Variants in ELOVL4 observed in about 807,000 individuals in gnomAD.
ELOVL4 encodes ELOVL fatty acid elongase 4.
A neutral mutation model predicts 42.1 loss-of-function variants in ELOVL4; 18 were observed. The ratio of observed to expected loss-of-function variants is 0.43; its 90% CI spans 0.30 to 0.63. ELOVL4 has a LOEUF of 0.63. Among genes scored for constraint, ELOVL4 ranks in the 30% least tolerant of loss-of-function variants. The pLI, the probability that ELOVL4 is intolerant of heterozygous loss-of-function variation, is 0.15. For synonymous variants in ELOVL4, 117 were observed against 127.0 expected, an observed-to-expected ratio of 0.92 and a Z score of 0.53; for missense variants, 299 against 376.2, an observed-to-expected ratio of 0.79 and a Z score of 1.70.
chr6:79,946,219 C>A (rs1255094417), intron 1 of ELOVL4, among the ~76,000 whole-genome samples: 1 of 152,134 alleles, frequency 6.6e-6, no homozygotes, highest in Non-Finnish European at 1.5e-5. Flanking sequence ...TTTCTGAAAT[C>A]CTTTAAACCT....
intron 2 of ELOVL4, among the ~76,000 whole-genome samples, chr6:79,925,946 A>G (rs1183008739): frequency 6.6e-6 from 1 of 152,214 alleles, no homozygotes; most frequent in Non-Finnish European, 1.5e-5. Context: ...ATAACTTTCA[A>G]TGCCAGAACA....
At chr6:79,924,437 T>TA (rs1408054531) in intron 3 of ELOVL4, among the ~76,000 whole-genome samples, 11 of 152,132 alleles carry the variant, frequency 7.2e-5, no homozygotes, top group African/African-American at 2.2e-4. Context: ...TGCTGCAAAA[T>TA]AAAAAACATT....
In ELOVL4 at chr6:79,939,508, T is replaced by TTTAA. The variant is rs1774607140; in HGVS notation, c.100+7671_100+7672insTTAA. ...TGTTTCTATTAATTTGACTACTTTA[T>TTTAA]TTATTTATTTATTTATTTATTTATT... On this transcript the variant is annotated intron_variant, in intron 1 of 5. Transcript: ENST00000369816. Among the ~76,000 whole-genome samples the TTTAA allele has an allele frequency of 6.0e-5, 8 of 134,272 alleles. No individual in the cohort carries two copies. In the South Asian group the frequency reaches 1.9e-3, roughly 31 times the overall value. 88.1% of individuals were successfully genotyped at this position (134,272 alleles called of 152,430 possible).
intron 1 of ELOVL4, among the ~76,000 whole-genome samples, chr6:79,939,528 T>C (rs1429761575): frequency 1.3e-5 from 2 of 151,514 alleles, no homozygotes; most frequent in Non-Finnish European, 2.9e-5. Context: ...TATTTATTTA[T>C]TTATTTATTT....
At position 79,947,313 on chromosome 6, in the gene ELOVL4, A is replaced by G. The variant is rs779566495; in HGVS notation, c.-34T>C. The stretch of plus-strand genomic sequence containing the variant: ...TGAGCGGGCGCTGGCGGCAGGAGAA[A>G]GCGGAGACCCAGAGAGAGGGCTGAC... On this transcript the variant is annotated 5_prime_UTR_variant, in exon 1 of 6. Coordinates refer to ENST00000369816, the MANE Select transcript of ELOVL4 (RefSeq NM_022726.4). 1 of 1,553,394 alleles carries G rather than the reference A, an allele frequency of 6.4e-7. No homozygotes were observed. Among genetic ancestry groups the G allele is most frequent in the African/African-American group, 1.4e-5 (1 of 73,724 alleles).
At chr6:79,925,974 T>C (rs1378548421) in intron 2 of ELOVL4, among the ~76,000 whole-genome samples, 1 of 152,176 alleles carries the variant, frequency 6.6e-6, no homozygotes, top group East Asian at 1.9e-4. Flanking sequence ...AGGGTTACTT[T>C]AGAATCCAGT....
intron 1 of ELOVL4, among the ~76,000 whole-genome samples, chr6:79,942,485 G>C (rs1774664827): frequency 6.6e-6 from 1 of 152,148 alleles, no homozygotes; most frequent in African/African-American, 2.4e-5. Flanking sequence ...CTTAACAAAT[G>C]AAAATACTTA....
intron 2 of ELOVL4, among the ~76,000 whole-genome samples, chr6:79,925,248 A>G (rs148447769): frequency 2.0e-4 from 31 of 152,184 alleles, no homozygotes; most frequent in African/African-American, 6.0e-4. Flanking sequence ...TCACATGTAA[A>G]TTTTATACTG....
intron 3 of ELOVL4, among the ~76,000 whole-genome samples, chr6:79,923,936 C>T (rs889227275): frequency 1.3e-5 from 2 of 152,046 alleles, no homozygotes. Flanking sequence ...GTCCACTCCC[C>T]ATGCCAGGAA....
chr6:79,919,422 G>T lies in ELOVL4; in HGVS notation c.667C>A (p.Leu223Met). 6.2e-7 allele frequency: 1 copy of T among 1,613,702 alleles called. No homozygotes were observed. The highest frequency in any genetic ancestry group is 8.5e-7 in the Non-Finnish European group (1 of 1,179,768). Residue 223 changes from leucine to methionine, a missense_variant and splice_region_variant, in exon 5 of 6, where the codon CTG (leucine) becomes ATG (methionine). Leu to Met is a conservative substitution (Grantham distance 15). Coordinates refer to ENST00000369816, the MANE Select transcript of ELOVL4 (RefSeq NM_022726.4). ...AACTTTGGAAGCATTTAACTCACCAGTTGCAACATAGTCAGGTATCGTTTC... is the reference window on the plus strand; with the variant it reads ...AACTTTGGAAGCATTTAACTCACCATTTGCAACATAGTCAGGTATCGTTTC... The part of the protein sequence containing the change: ...WWKRYLTMLQ[L>M]IQFHVTIGHT...
chr6:79,936,572 G>A (rs1202031686), intron 1 of ELOVL4, among the ~76,000 whole-genome samples: 2 of 152,174 alleles, frequency 1.3e-5, no homozygotes, highest in African/African-American at 4.8e-5. Flanking sequence ...AGGTATGTAA[G>A]AGTCTTCAAA....
intron 5 of ELOVL4, among the ~76,000 whole-genome samples, chr6:79,917,554 T>G (rs916938142): frequency 5.9e-5 from 9 of 152,212 alleles, no homozygotes; most frequent in Non-Finnish European, 1.2e-4. Context: ...GTGCGATGGC[T>G]CATGCCTGCA....
chr6:79,941,579 T>C (rs1456423047), intron 1 of ELOVL4, among the ~76,000 whole-genome samples: 2 of 152,162 alleles, frequency 1.3e-5, no homozygotes, highest in African/African-American at 2.4e-5. Context: ...AAGAACTCTC[T>C]GGCCGGGCAC....
At chr6:79,937,085 G>A (rs763661993) in intron 1 of ELOVL4, among the ~76,000 whole-genome samples, 9 of 152,254 alleles carry the variant, frequency 5.9e-5, no homozygotes, top group Admixed American at 2.6e-4. Flanking sequence ...GAATGTGATG[G>A]GCAGACAGGA....
chr6:79,946,392 A>G (rs191065220), intron 1 of ELOVL4, among the ~76,000 whole-genome samples: 9,317 of 149,900 alleles, frequency 0.062, 380 homozygotes, highest in South Asian at 0.13. Flanking sequence ...GCAACAGCTA[A>G]AGAAAAGTTT....
At chr6:79,937,495 C>T (rs1774564634) in intron 1 of ELOVL4, among the ~76,000 whole-genome samples, 1 of 152,092 alleles carries the variant, frequency 6.6e-6, no homozygotes, top group African/African-American at 2.4e-5. Flanking sequence ...TTAGATGAAT[C>T]AGGTTCAGGG....
Position 79,916,435 on chromosome 6 carries a change from A to C in ELOVL4, c.*173T>G, listed in dbSNP as rs942887097. 1.4e-6 allele frequency: 1 copy of C among 709,126 alleles called. No individual in the cohort carries two copies. Among genetic ancestry groups the C allele is most frequent in the Non-Finnish European group, 2.4e-6 (1 of 425,508 alleles). The allele number at this position is 709,126 out of a possible 1,614,324, so 43.9% of individuals were successfully genotyped here. A position where few individuals can be genotyped will look rare whatever the true frequency, so the allele number is the denominator to read the frequency against. On this transcript the variant is annotated 3_prime_UTR_variant, in exon 6 of 6. Transcript: ENST00000369816. Reference sequence around the variant, plus strand: ...GTTTAAAATAAAAACTTCATAAATAAAACATCTGGGTATGGTATTAACACT... The same window carrying C: ...GTTTAAAATAAAAACTTCATAAATACAACATCTGGGTATGGTATTAACACT...
chr6:79,927,980 A>G (rs983020061), intron 1 of ELOVL4, among the ~76,000 whole-genome samples: 3 of 152,278 alleles, frequency 2.0e-5, no homozygotes, highest in East Asian at 3.9e-4. Context: ...CTTATCAGTG[A>G]CTGTTCACTT....
intron 1 of ELOVL4, among the ~76,000 whole-genome samples, chr6:79,939,750 G>C (rs1315364926): frequency 6.6e-6 from 1 of 151,824 alleles, no homozygotes; most frequent in Non-Finnish European, 1.5e-5. Context: ...AGTGATCCTT[G>C]AGCCTCCACC....
Sources: gnomAD v4.1 joint callset for allele counts (sites outside exome capture counted in the v4.1 genomes callset) on GRCh38, gnomAD v4.1.1 for gene constraint, MANE v1.5 for transcripts, NCBI Gene and HGNC (gene_info 2026-07-23, HGNC 2026-07-21) for gene names.